The following NSG2 variants were observed in gnomAD, a reference collection of about 807,000 sequenced individuals.
NSG2 encodes neuronal vesicle trafficking associated 2, also known as neuronal vesicle trafficking-associated protein 2.
NSG2 carries 4 observed loss-of-function variants against 16.9 expected under a neutral mutation model. The ratio of observed to expected loss-of-function variants is 0.24; its 90% CI spans 0.12 to 0.54. The LOEUF (loss-of-function observed/expected upper bound fraction) is 0.54. Among genes scored for constraint, NSG2 ranks in the 20% least tolerant of loss-of-function variants. The pLI, the probability that NSG2 is intolerant of heterozygous loss-of-function variation, is 0.95. For synonymous variants in NSG2, 98 were observed against 88.7 expected, an observed-to-expected ratio of 1.11 and a Z score of -0.59; for missense variants, 179 against 221.1, an observed-to-expected ratio of 0.81 and a Z score of 1.21.
At position 174,046,797 on chromosome 5, in the gene NSG2, G is replaced by A; in HGVS notation, c.42G>A (p.Lys14=). The A allele has an allele frequency of 6.2e-7, 1 of 1,614,142 alleles. No individual in the cohort carries two copies. Among genetic ancestry groups the A allele is most frequent in the Non-Finnish European group, 8.5e-7 (1 of 1,180,024 alleles). ...GTAACCCCAGCGAGAAGGGAACCAA[G>A]CCGCCTTCAGTTGAGGATGGCTTCC... The part of the protein sequence containing the change: ...LNSNPSEKGT[K]PPSVEDGFQT... Residue 14 remains lysine (K), a synonymous_variant, in exon 2 of 5, where the codon AAG becomes AAA. Coordinates refer to ENST00000303177, the MANE Select transcript of NSG2 (RefSeq NM_015980.5).
In NSG2 at chr5:174,099,472, C is replaced by T. The variant is rs1007548334; in HGVS notation, c.214-4756C>T. On this transcript the variant is annotated intron_variant, in intron 3 of 4. Transcript: ENST00000303177. ...TGGCCCCCTTGCCTTCAGCCATCCC[C>T]CTGCAAACATGCCTCCTGTTGCCCC... 3.3e-5 allele frequency among the ~76,000 whole-genome samples: 5 copies of T among 152,274 alleles called. No individual in the cohort carries two copies. The Middle Eastern group carries it at 0.017, about 518-fold the overall frequency.
At position 174,107,276 on chromosome 5, in the gene NSG2, T is replaced by TG. The variant is rs368899370; in HGVS notation, c.325-37dup. 12 of 1,503,578 alleles carry TG rather than the reference T, an allele frequency of 8.0e-6. No individual in the cohort carries two copies. Among genetic ancestry groups the TG allele is most frequent in the Middle Eastern group, 1.8e-4 (1 of 5,554 alleles). 93.1% of individuals were successfully genotyped at this position (1,503,578 alleles called of 1,614,324 possible). ...GTTGCTGGGCAGGTTGGGAGCAGTT[T>TG]GCTGAATGACCCCTGACTCTGTCTC... is the stretch of plus-strand genomic sequence containing the variant. On this transcript the variant is annotated intron_variant, in intron 4 of 4. Coordinates refer to ENST00000303177, the MANE Select transcript of NSG2 (RefSeq NM_015980.5). The surrounding 1 kb of genome is among the most constrained non-coding windows in gnomAD (Gnocchi z 4.5).
chr5:174,058,660 A>G (rs1415609918), intron 2 of NSG2, among the ~76,000 whole-genome samples: 2 of 152,102 alleles, frequency 1.3e-5, no homozygotes, highest in Admixed American at 6.5e-5. Context: ...AAGGGAGGAG[A>G]ACCTTTCAAG....
intron 3 of NSG2, among the ~76,000 whole-genome samples, chr5:174,082,874 C>T (rs150522262): frequency 7.0e-4 from 106 of 152,288 alleles, no homozygotes; most frequent in African/African-American, 2.4e-3. Context: ...CAATTTCCAT[C>T]CAAGCTGCCA....
intron 3 of NSG2, chr5:174,082,157 C>G (rs1035484975): frequency 2.6e-5 from 4 of 152,180 alleles, no homozygotes; most frequent in Non-Finnish European, 5.9e-5. Flanking sequence ...TTGCCATTCT[C>G]TTAATTGTAA....
chr5:174,074,763 C>G (rs1355250997), intron 3 of NSG2, among the ~76,000 whole-genome samples: 1 of 152,006 alleles, frequency 6.6e-6, no homozygotes, highest in African/African-American at 2.4e-5. Flanking sequence ...CCTTTTCATA[C>G]TTCCAGCATT....
chr5:174,067,381 T>G (rs1250884117), intron 3 of NSG2, among the ~76,000 whole-genome samples: 2 of 152,114 alleles, frequency 1.3e-5, no homozygotes, highest in African/African-American at 4.8e-5. Flanking sequence ...AGGTAACTGC[T>G]GGGTAGAACA....
At chr5:174,048,734 G>A (rs2113415390) in intron 2 of NSG2, among the ~76,000 whole-genome samples, 1 of 152,256 alleles carries the variant, frequency 6.6e-6, no homozygotes, top group Admixed American at 6.5e-5. Context: ...ACCTCCCAGG[G>A]CTTTATTCTT....
intron 3 of NSG2, among the ~76,000 whole-genome samples, chr5:174,097,535 ATATG>A (rs907201462): frequency 4.9e-5 from 7 of 144,164 alleles, no homozygotes; most frequent in African/African-American, 1.3e-4. Flanking sequence ...GTGTGTAACT[ATATG>A]TGTGTGTCTG....
At chr5:174,075,982 G>C (rs561939587) in intron 3 of NSG2, among the ~76,000 whole-genome samples, 1 of 152,190 alleles carries the variant, frequency 6.6e-6, no homozygotes, top group African/African-American at 2.4e-5. Flanking sequence ...CCCTCACTTG[G>C]GTGATCATCA....
intron 3 of NSG2, among the ~76,000 whole-genome samples, chr5:174,085,446 C>G (rs978119538): frequency 1.3e-5 from 2 of 152,166 alleles, no homozygotes; most frequent in Admixed American, 1.3e-4. Context: ...TCTGAACAGC[C>G]AAAACTAAAC....
intron 2 of NSG2, among the ~76,000 whole-genome samples, chr5:174,062,179 C>T (rs1389227269): frequency 6.6e-6 from 1 of 152,050 alleles, no homozygotes; most frequent in African/African-American, 2.4e-5. Flanking sequence ...TGGTGATTTC[C>T]CCATTTTATA....
intron 2 of NSG2, among the ~76,000 whole-genome samples, chr5:174,055,813 G>A (rs1181646646): frequency 6.6e-6 from 1 of 152,160 alleles, no homozygotes; most frequent in Non-Finnish European, 1.5e-5. Context: ...TGTGTGACCT[G>A]TGGCAAATCC....
At chr5:174,105,716 C>T (rs528548633) in intron 4 of NSG2, among the ~76,000 whole-genome samples, 17 of 152,262 alleles carry the variant, frequency 1.1e-4, no homozygotes, top group South Asian at 4.2e-4. Flanking sequence ...TCCTGACCAA[C>T]GTGGAGAAAC....
In NSG2 at chr5:174,059,896, C is replaced by T. The variant is rs79643301; in HGVS notation, c.130-4336C>T. Among the ~76,000 whole-genome samples the T allele has an allele frequency of 3.2e-4, 48 of 152,330 alleles. No homozygotes were observed. The East Asian group carries it at 7.9e-3, about 25-fold the overall frequency. ...ATCAAGACACTAGTCAATACTACCT[C>T]ATAGCTCATTGGTCCAAATTGGGTA... is the stretch of plus-strand genomic sequence containing the variant. On this transcript the variant is annotated intron_variant, in intron 2 of 4. Coordinates refer to ENST00000303177, the MANE Select transcript of NSG2 (RefSeq NM_015980.5).
chr5:174,089,526 A>C (rs2113464025), intron 3 of NSG2, among the ~76,000 whole-genome samples: 1 of 151,558 alleles, frequency 6.6e-6, no homozygotes, highest in South Asian at 2.1e-4. Context: ...AGCCTGGCCC[A>C]AAAAAGATAC....
At chr5:174,104,073 A>AAGTT (rs1465574573) in intron 3 of NSG2, among the ~76,000 whole-genome samples, 155 bp from the exon 4 acceptor site, 1 of 152,186 alleles carries the variant, frequency 6.6e-6, no homozygotes, top group African/African-American at 2.4e-5. Flanking sequence ...CAAAGACTGC[A>AAGTT]AGTTAGTAAC....
At chr5:174,060,833 T>G (rs1433974042) in intron 2 of NSG2, among the ~76,000 whole-genome samples, 1 of 152,218 alleles carries the variant, frequency 6.6e-6, no homozygotes, top group Non-Finnish European at 1.5e-5. Context: ...ATGGCTGTCT[T>G]TCAGCATGTC....
At chr5:174,051,124 G>C (rs901575404) in intron 2 of NSG2, among the ~76,000 whole-genome samples, 4 of 152,170 alleles carry the variant, frequency 2.6e-5, no homozygotes, top group African/African-American at 7.2e-5. Context: ...CTGGGGGGCA[G>C]TTAGCAATGT....
Sources: allele counts gnomAD v4.1 joint callset (sites outside exome capture counted in the v4.1 genomes callset), GRCh38; gene constraint gnomAD v4.1.1; non-coding constraint Gnocchi (gnomAD v3.1); transcripts MANE v1.5; gene names NCBI Gene and HGNC (gene_info 2026-07-23, HGNC 2026-07-21).